Variants in SLIT3 observed in about 807,000 individuals in gnomAD.
The protein encoded by SLIT3 is slit guidance ligand 3.
SLIT3 carries 68 observed loss-of-function variants against 184.0 expected under a neutral mutation model. That is an observed-to-expected ratio of 0.37 (90% confidence interval 0.30 to 0.45). The LOEUF (loss-of-function observed/expected upper bound fraction) is 0.45, where lower values mean the gene tolerates loss of function less well. Among genes scored for constraint, SLIT3 ranks in the 20% least tolerant of loss-of-function variants. The probability of loss-of-function intolerance (pLI) is 1.00; values close to 1 mark genes in which losing one functional copy is unlikely to be tolerated. For synonymous variants in SLIT3, 831 were observed against 828.6 expected (o/e 1.00, Z -0.05); for missense variants, 1,707 against 2,026.0 (o/e 0.84, Z 3.02).
At position 168,795,542 on chromosome 5, in the gene SLIT3, T is replaced by G. The variant is rs778040712; in HGVS notation, c.972A>C (p.Ala324=). Residue 324 remains alanine (A), a synonymous_variant, in exon 10 of 36, where the codon GCA becomes GCC. Coordinates refer to ENST00000519560, the MANE Select transcript of SLIT3 (RefSeq NM_003062.4). ...LEQNSIKAIP[A]GAFTQYKKLK... The stretch of plus-strand genomic sequence containing the variant: ...GTTTCTTGTACTGGGTGAAGGCTCC[T>G]GCAGGGATGGCTTTGATGGAGTTCT... 16 of 1,614,020 alleles carry G rather than the reference T, an allele frequency of 9.9e-6. No homozygotes were observed. The South Asian group carries it at 1.6e-4, about 17-fold the overall frequency.
intron 8 of SLIT3, among the ~76,000 whole-genome samples, chr5:168,810,396 A>G (rs1248174052): frequency 6.6e-6 from 1 of 152,226 alleles, no homozygotes; most frequent in Non-Finnish European, 1.5e-5. Context: ...AACTCAGAGC[A>G]CAGTGATGCA....
In SLIT3 at chr5:168,685,739, T is replaced by C; in HGVS notation, c.3503A>G (p.Tyr1168Cys). Residue 1168 changes from tyrosine to cysteine, a missense_variant, in exon 31 of 36, where the codon TAC (tyrosine) becomes TGC (cysteine). Tyr to Cys is a radical substitution (Grantham distance 194). Transcript: ENST00000519560. ...ITVNFVGKDS[Y>C]VELASAKVRP... is the part of the protein sequence containing the mutation. ...GACCTTGGCGGAGGCCAGTTCCACGTAGGAGTCTTTGCCCACGAAGTTGAC... is the reference window on the plus strand; with the variant it reads ...GACCTTGGCGGAGGCCAGTTCCACGCAGGAGTCTTTGCCCACGAAGTTGAC... 3 of 1,598,348 alleles carry C rather than the reference T, an allele frequency of 1.9e-6. No individual in the cohort carries two copies. Among genetic ancestry groups the C allele is most frequent in the Non-Finnish European group, 2.6e-6 (3 of 1,170,658 alleles).
chr5:168,694,955 A>C (rs1314150931), intron 28 of SLIT3, among the ~76,000 whole-genome samples: 1 of 152,186 alleles, frequency 6.6e-6, no homozygotes, highest in Non-Finnish European at 1.5e-5. Context: ...CCCAGCACAG[A>C]AGCTTGTCTG....
intron 14 of SLIT3, among the ~76,000 whole-genome samples, chr5:168,764,409 C>T (rs990962656): frequency 1.3e-5 from 2 of 152,206 alleles, no homozygotes; most frequent in African/African-American, 4.8e-5. Context: ...GCGCAGGCTG[C>T]TGTCTGGTTC....
intron 5 of SLIT3, among the ~76,000 whole-genome samples, chr5:168,874,574 A>T (rs764884574): frequency 1.3e-5 from 2 of 152,226 alleles, no homozygotes; most frequent in African/African-American, 4.8e-5. Flanking sequence ...TGTTTTAGGA[A>T]ATATGCAAAG....
At chr5:168,820,956 C>T (rs1442196617) in intron 7 of SLIT3, among the ~76,000 whole-genome samples, 2 of 152,140 alleles carry the variant, frequency 1.3e-5, no homozygotes, top group Non-Finnish European at 2.9e-5. Context: ...CCAGCCGTCC[C>T]CCCCAACCCC....
intron 34 of SLIT3, among the ~76,000 whole-genome samples, chr5:168,670,883 C>G (rs1761217970): frequency 6.6e-6 from 1 of 152,026 alleles, no homozygotes; most frequent in African/African-American, 2.4e-5. Context: ...CTGAGTCTGC[C>G]CATGTGGGTG....
intron 12 of SLIT3, among the ~76,000 whole-genome samples, chr5:168,777,311 G>T (rs1238783209): frequency 6.6e-6 from 1 of 152,030 alleles, no homozygotes; most frequent in Non-Finnish European, 1.5e-5. Context: ...TTGCCTTAGT[G>T]GTCATTTAGG....
chr5:168,958,969 C>T (rs1762921841), intron 4 of SLIT3, among the ~76,000 whole-genome samples: 1 of 152,250 alleles, frequency 6.6e-6, no homozygotes, highest in Admixed American at 6.5e-5. Flanking sequence ...GGGGGCTCCC[C>T]CATCTCCTAT....
chr5:169,090,204 G>A (rs190111974), intron 4 of SLIT3, among the ~76,000 whole-genome samples: 6 of 152,286 alleles, frequency 3.9e-5, no homozygotes, highest in African/African-American at 1.4e-4. Context: ...GCCATTTCCA[G>A]AGAGGCTGTC....
At chr5:168,875,105 G>A (rs998611824) in intron 5 of SLIT3, among the ~76,000 whole-genome samples, 5 of 149,580 alleles carry the variant, frequency 3.3e-5, no homozygotes, top group Admixed American at 1.3e-4. Context: ...GGGAGGAAGC[G>A]GGGGAGAAAA....
chr5:169,183,534 G>C (rs896154464), intron 4 of SLIT3, among the ~76,000 whole-genome samples: 64 of 152,226 alleles, frequency 4.2e-4, no homozygotes, highest in African/African-American at 1.5e-3. Flanking sequence ...AACAAAGGTT[G>C]GTCTGATTTC....
At chr5:168,922,611 C>G (rs1337039692) in intron 4 of SLIT3, among the ~76,000 whole-genome samples, 2 of 152,132 alleles carry the variant, frequency 1.3e-5, no homozygotes, top group Non-Finnish European at 2.9e-5. Context: ...CAGATCAGAG[C>G]TGGTCTTCAA....
chr5:168,883,289 C>T lies in SLIT3; in HGVS notation c.461G>A (p.Arg154His), dbSNP rs138901310. Residue 154 changes from arginine to histidine, a missense_variant, in exon 5 of 36, where the codon CGC (arginine) becomes CAC (histidine). Arg to His is a conservative substitution (Grantham distance 29). Around this residue, in one of 3 missense-constraint regions of SLIT3, gnomAD observed 1,307 missense variants for 1,511.6 expected, o/e 0.86. Coordinates refer to ENST00000519560, the MANE Select transcript of SLIT3 (RefSeq NM_003062.4). Reference sequence around the variant, plus strand: ...CAGGTTCTTCACATCGGTGATGCCGCGGAACGCCTTCCTCGGGATCCCCTG... The same window carrying T: ...CAGGTTCTTCACATCGGTGATGCCGTGGAACGCCTTCCTCGGGATCCCCTG... ...QIQGIPRKAFRGITDVKNLQL... is the reference protein window; with the variant it reads ...QIQGIPRKAFHGITDVKNLQL... 1.2e-5 allele frequency: 20 copies of T among 1,613,982 alleles called. No individual in the cohort carries two copies. The highest frequency in any genetic ancestry group is 8.3e-5 in the Admixed American group (5 of 60,010).
chr5:169,192,709 T>A (rs1414584882), intron 4 of SLIT3, among the ~76,000 whole-genome samples: 2 of 152,170 alleles, frequency 1.3e-5, no homozygotes, highest in Non-Finnish European at 2.9e-5. Context: ...CTGTGTCGCT[T>A]CATTCAGAAA....
chr5:168,776,177 C>T lies in SLIT3; in HGVS notation c.1152-1799G>A, dbSNP rs969102309. On this transcript the variant is annotated intron_variant, in intron 12 of 35. Transcript: ENST00000519560. ...GATCCAGGGGGTCTGCAGTTGGCAA[C>T]GGTGGGGCTGCCCATGGTGCTAAAT... 3.9e-5 allele frequency among the ~76,000 whole-genome samples: 6 copies of T among 152,178 alleles called. No individual in the cohort carries two copies. The South Asian group carries it at 6.2e-4, about 16-fold the overall frequency.
intron 33 of SLIT3, among the ~76,000 whole-genome samples, chr5:168,672,044 CTG>C (rs1761268127): frequency 6.6e-6 from 1 of 152,210 alleles, no homozygotes; most frequent in Non-Finnish European, 1.5e-5. Flanking sequence ...CTTCAAGAGA[CTG>C]TTAGTAAAGA....
chr5:168,924,582 T>C (rs919038161), intron 4 of SLIT3, among the ~76,000 whole-genome samples: 2 of 151,922 alleles, frequency 1.3e-5, no homozygotes, highest in Non-Finnish European at 2.9e-5. Context: ...CAATCACAGT[T>C]CACTGCAATC....
chr5:169,051,551 G>A (rs953685755), intron 4 of SLIT3, among the ~76,000 whole-genome samples: 2 of 152,130 alleles, frequency 1.3e-5, no homozygotes, highest in Admixed American at 1.3e-4. Context: ...TAGAATTAGA[G>A]TTCCCTTTAA....
Sources: allele counts gnomAD v4.1 joint callset (sites outside exome capture counted in the v4.1 genomes callset), GRCh38; gene constraint gnomAD v4.1.1; regional missense constraint gnomAD v4.1.1; transcripts MANE v1.5; gene names NCBI Gene and HGNC (gene_info 2026-07-23, HGNC 2026-07-21).